SHROOM3: variants seen among roughly 807,000 people sequenced by gnomAD.
SHROOM3 encodes the protein protein Shroom3.
SHROOM3 carries 47 observed loss-of-function variants against 138.6 expected under a neutral mutation model. That is an observed-to-expected ratio of 0.34 (90% CI 0.27 to 0.43). The LOEUF (loss-of-function observed/expected upper bound fraction) is 0.43, where lower values mean the gene tolerates loss of function less well. Among genes scored for constraint, SHROOM3 ranks in the 20% least tolerant of loss-of-function variants. The pLI is 1.00. For missense variants in SHROOM3, 2,491 were observed against 2,596.5 expected (o/e 0.96, Z 0.88); for synonymous variants, 1,062 against 1,063.3 (o/e 1.00, Z 0.02).
At chr4:76,595,466 A>G (rs1734360889) in intron 2 of SHROOM3, among the ~76,000 whole-genome samples, 1 of 152,186 alleles carries the variant, frequency 6.6e-6, no homozygotes, top group South Asian at 2.1e-4. Context: ...TCATGGTTGC[A>G]AGGTGTTTGC....
rs547917658 is a variant in SHROOM3 at position 76,724,235 on chromosome 4, G to A, written c.456-6569G>A. Among the ~76,000 whole-genome samples the A allele has an allele frequency of 9.9e-5, 15 of 152,266 alleles. 1 individual carries two copies. The highest frequency in any genetic ancestry group is 3.3e-4 in the Admixed American group (5 of 15,292). On this transcript the variant is annotated intron_variant, in intron 3 of 10. Transcript: ENST00000296043. Reference sequence around the variant, plus strand: ...TACACCCACACACAAAACTTAGTTTGCTAAATTTTAAAATTAAACCATCTT... The same window carrying A: ...TACACCCACACACAAAACTTAGTTTACTAAATTTTAAAATTAAACCATCTT...
intron 1 of SHROOM3, among the ~76,000 whole-genome samples, chr4:76,489,151 C>T (rs770348092): frequency 7.9e-5 from 12 of 152,280 alleles, no homozygotes; most frequent in East Asian, 1.9e-4. Context: ...TAATTTCAGA[C>T]GGCAAAAGAA....
chr4:76,476,400 C>T (rs758446688), intron 1 of SHROOM3, among the ~76,000 whole-genome samples: 8 of 152,184 alleles, frequency 5.3e-5, no homozygotes, highest in Non-Finnish European at 1.0e-4. Context: ...CTGTACTCTT[C>T]CAAATGCTCA....
At chr4:76,550,342 T>C in intron 1 of SHROOM3, among the ~76,000 whole-genome samples, 1 of 152,170 alleles carries the variant, frequency 6.6e-6, no homozygotes, top group Non-Finnish European at 1.5e-5. Flanking sequence ...TCAAAGAGTT[T>C]AGGACCTAGA....
chr4:76,617,982 C>T (rs1335527212), intron 2 of SHROOM3, among the ~76,000 whole-genome samples: 1 of 152,182 alleles, frequency 6.6e-6, no homozygotes, highest in Admixed American at 6.5e-5. Context: ...AAGATGCTGG[C>T]AAGCATGAAA....
chr4:76,567,128 T>C (rs1733741608), intron 2 of SHROOM3, among the ~76,000 whole-genome samples: 2 of 152,254 alleles, frequency 1.3e-5, no homozygotes, highest in Non-Finnish European at 2.9e-5. Flanking sequence ...GTGGGTGGGA[T>C]GTGTAAAATT....
intron 1 of SHROOM3, among the ~76,000 whole-genome samples, chr4:76,550,943 G>A (rs1394607684): frequency 6.7e-6 from 1 of 149,468 alleles, no homozygotes; most frequent in African/African-American, 2.5e-5. Context: ...AGGCTACAGT[G>A]AGTTGAGATC....
intron 2 of SHROOM3, among the ~76,000 whole-genome samples, chr4:76,684,766 C>T (rs370687798): frequency 5.0e-4 from 76 of 152,222 alleles, no homozygotes; most frequent in Middle Eastern, 6.8e-3. Context: ...GGCCTATTTA[C>T]GGGAAAAGAC....
chr4:76,642,760 G>A (rs1261791843), intron 2 of SHROOM3, among the ~76,000 whole-genome samples: 1 of 152,048 alleles, frequency 6.6e-6, no homozygotes, highest in East Asian at 1.9e-4. Flanking sequence ...ATGAAGGAAT[G>A]GAAGCCAATA....
chr4:76,560,736 T>A (rs1186684016), intron 2 of SHROOM3, among the ~76,000 whole-genome samples: 1 of 152,212 alleles, frequency 6.6e-6, no homozygotes, highest in Non-Finnish European at 1.5e-5. Context: ...CGTACTTTTT[T>A]ATAATGCTAT....
chr4:76,464,752 G>C (rs1731217959), intron 1 of SHROOM3, among the ~76,000 whole-genome samples: 1 of 152,140 alleles, frequency 6.6e-6, no homozygotes, highest in Non-Finnish European at 1.5e-5. Context: ...TTGTTTGAAA[G>C]TGTGTAGCAC....
rs199564119 is a variant in SHROOM3 at position 76,740,309 on chromosome 4, C to T, written c.2136C>T (p.Leu712=). The change falls in exon 5 of 11, where the codon CTC becomes CTT. Residue 712 remains leucine, a synonymous_variant. Coordinates refer to ENST00000296043, the MANE Select transcript of SHROOM3 (RefSeq NM_020859.4). The surrounding 1 kb of genome is among the most constrained non-coding windows in gnomAD (Gnocchi z 4.0). ...EDPGRKAAPD[L]GSHLDRQVSY... ...CTGGGAGGAAAGCCGCTCCTGACCTCGGGAGCCATCTGGACCGGCAGGTTT... is the reference window on the plus strand; with the variant it reads ...CTGGGAGGAAAGCCGCTCCTGACCTTGGGAGCCATCTGGACCGGCAGGTTT... The T allele has an allele frequency of 1.1e-5, 17 of 1,613,140 alleles. No homozygotes were observed. In the Admixed American group the frequency reaches 2.5e-4, roughly 24 times the overall value.
chr4:76,533,131 T>G (rs1732867732), intron 1 of SHROOM3, among the ~76,000 whole-genome samples: 1 of 152,204 alleles, frequency 6.6e-6, no homozygotes, highest in Non-Finnish European at 1.5e-5. Flanking sequence ...ATTGAATATT[T>G]TTGGACCATG....
At chr4:76,701,207 T>G (rs2110112794) in intron 2 of SHROOM3, among the ~76,000 whole-genome samples, 1 of 152,310 alleles carries the variant, frequency 6.6e-6, no homozygotes, top group Middle Eastern at 3.4e-3. Flanking sequence ...TTTCTCTAGA[T>G]CTAGGGACAG....
At chr4:76,680,285 C>T (rs1031925010) in intron 2 of SHROOM3, among the ~76,000 whole-genome samples, 5 of 152,026 alleles carry the variant, frequency 3.3e-5, no homozygotes, top group East Asian at 3.9e-4. Flanking sequence ...GGACTACAGG[C>T]GCCCACCACC....
chr4:76,533,617 C>T (rs2110016846), intron 1 of SHROOM3, among the ~76,000 whole-genome samples: 1 of 152,260 alleles, frequency 6.6e-6, no homozygotes, highest in African/African-American at 2.4e-5. Flanking sequence ...AGAGAATGAA[C>T]TTACAATGAG....
At chr4:76,555,296 A>T (rs1733460471) in intron 1 of SHROOM3, among the ~76,000 whole-genome samples, 1 of 152,018 alleles carries the variant, frequency 6.6e-6, no homozygotes, top group South Asian at 2.1e-4. Flanking sequence ...TGAAGATGTA[A>T]AGCAAGGGCT....
intron 10 of SHROOM3, among the ~76,000 whole-genome samples, 153 bp from the exon 11 acceptor site, chr4:76,778,656 C>G (rs534579703): frequency 6.6e-6 from 1 of 151,950 alleles, no homozygotes; most frequent in Non-Finnish European, 1.5e-5. Flanking sequence ...TAAGGATAAT[C>G]TGATTTTCAA....
At position 76,740,435 on chromosome 4, in the gene SHROOM3, C is replaced by T. The variant is rs370061468; in HGVS notation, c.2262C>T (p.Ser754=). ...CTGCCCCCTCGCACCCGCACACATC[C>T]AGTCTGGGCCGGAGGGGGCCCGGCC... is the stretch of plus-strand genomic sequence containing the variant. The part of the protein sequence containing the change: ...EPPAPSHPHT[S]SLGRRGPGPG... Residue 754 remains serine (S), a synonymous_variant, in exon 5 of 11, where the codon TCC becomes TCT. Coordinates refer to ENST00000296043, the MANE Select transcript of SHROOM3 (RefSeq NM_020859.4). This position sits in a 1 kb window ranked among gnomAD's most constrained non-coding sequence, Gnocchi z 4.0. 3.3e-5 allele frequency: 54 copies of T among 1,612,456 alleles called. No homozygotes were observed. The African/African-American group carries it at 4.9e-4, about 15-fold the overall frequency.
Sources: allele counts gnomAD v4.1 joint callset (sites outside exome capture counted in the v4.1 genomes callset), GRCh38; gene constraint gnomAD v4.1.1; non-coding constraint Gnocchi (gnomAD v3.1); transcripts MANE v1.5; gene names NCBI Gene and HGNC (gene_info 2026-07-23, HGNC 2026-07-21).